RAB38: variants seen among roughly 807,000 people sequenced by gnomAD.
RAB38 encodes ras-related protein Rab-38.
A neutral mutation model predicts 18.4 loss-of-function variants in RAB38; 15 were observed. The observed-to-expected ratio is 0.82, with a 90% CI of 0.55 to 1.26. The LOEUF (loss-of-function observed/expected upper bound fraction) is 1.26, where lower values mean the gene tolerates loss of function less well. Ranked by LOEUF, RAB38 falls within the 50% of genes most tolerant of loss-of-function variation. The pLI is 0.00. For synonymous variants in RAB38, 101 were observed against 104.4 expected (o/e 0.97, Z 0.20); for missense variants, 294 against 267.4 (o/e 1.10, Z -0.69).
At chr11:88,027,613 C>G in the RAB38 span, among the ~76,000 whole-genome samples, 1 of 152,350 alleles carries the variant, frequency 6.6e-6, no homozygotes, top group South Asian at 2.1e-4. Context: ...TGGAGTCTCG[C>G]TGATTGCTAG....
chr11:88,034,328 T>A, the RAB38 span, among the ~76,000 whole-genome samples: 15 of 152,382 alleles, frequency 9.8e-5, no homozygotes, highest in Admixed American at 4.6e-4. Flanking sequence ...ATGTATTGGT[T>A]TTTGTGTGAG....
the RAB38 span, among the ~76,000 whole-genome samples, chr11:87,814,299 G>C: frequency 1.3e-5 from 2 of 152,094 alleles, no homozygotes; most frequent in Admixed American, 6.5e-5. Context: ...TGTAATACTA[G>C]GGATTTTTAG....
the RAB38 span, among the ~76,000 whole-genome samples, chr11:88,064,152 A>G: frequency 1.3e-5 from 2 of 152,204 alleles, no homozygotes; most frequent in Non-Finnish European, 2.9e-5. Context: ...ATGAGTCACT[A>G]TATGGGAGCT....
the RAB38 span, among the ~76,000 whole-genome samples, chr11:88,006,943 A>G: frequency 2.0e-5 from 3 of 151,644 alleles, no homozygotes; most frequent in Non-Finnish European, 4.4e-5. Context: ...TCTATTGCAT[A>G]GTCTGATGTA....
the RAB38 span, among the ~76,000 whole-genome samples, chr11:88,093,688 T>C: frequency 2.0e-5 from 3 of 152,008 alleles, no homozygotes; most frequent in East Asian, 5.9e-4. Flanking sequence ...TTCACTCTCC[T>C]GTTTAAAATC....
the RAB38 span, among the ~76,000 whole-genome samples, chr11:87,896,710 T>C: frequency 6.6e-6 from 1 of 151,628 alleles, no homozygotes; most frequent in East Asian, 2.0e-4. Flanking sequence ...AGGTCCCGAA[T>C]GTGCTTGTTG....
At chr11:88,089,953 G>A in the RAB38 span, among the ~76,000 whole-genome samples, 1 of 151,974 alleles carries the variant, frequency 6.6e-6, no homozygotes, top group Non-Finnish European at 1.5e-5. Flanking sequence ...TGATCTTGAG[G>A]TGGAATCCTT....
intron 2 of RAB38, among the ~76,000 whole-genome samples, chr11:88,126,706 A>T (rs554546176): frequency 7.3e-4 from 104 of 141,606 alleles, no homozygotes; most frequent in African/African-American, 2.4e-3. Flanking sequence ...ATAATAATAA[A>T]AAAAAAAAGA....
the RAB38 span, among the ~76,000 whole-genome samples, chr11:87,894,030 A>G: frequency 6.6e-6 from 1 of 151,716 alleles, no homozygotes; most frequent in Non-Finnish European, 1.5e-5. Flanking sequence ...AACAACATTG[A>G]GTCTTCCAAT....
intron 1 of RAB38, among the ~76,000 whole-genome samples, chr11:88,155,395 A>G (rs895598173): frequency 6.6e-6 from 1 of 152,246 alleles, no homozygotes; most frequent in Non-Finnish European, 1.5e-5. Context: ...CAAACTGCAC[A>G]GCCCAATAAA....
chr11:87,849,670 G>A, the RAB38 span, among the ~76,000 whole-genome samples: 1 of 152,056 alleles, frequency 6.6e-6, no homozygotes, highest in Non-Finnish European at 1.5e-5. Flanking sequence ...TGGACATAGT[G>A]TTTAATAACT....
At chr11:88,088,741 C>A in the RAB38 span, among the ~76,000 whole-genome samples, 1 of 151,566 alleles carries the variant, frequency 6.6e-6, no homozygotes, top group Non-Finnish European at 1.5e-5. Context: ...TGAAGGTGGG[C>A]AGGTATCATT....
chr11:87,856,013 T>A, the RAB38 span, among the ~76,000 whole-genome samples: 4 of 152,186 alleles, frequency 2.6e-5, no homozygotes, highest in East Asian at 5.8e-4. Context: ...TTCTTAAAAG[T>A]CACAATAATT....
intron 2 of RAB38, among the ~76,000 whole-genome samples, chr11:88,118,511 A>G (rs1300326055): frequency 1.3e-5 from 2 of 152,222 alleles, no homozygotes; most frequent in African/African-American, 2.4e-5. Context: ...TTTCTGGGTG[A>G]TTGTATAGAA....
chr11:88,163,059 G>C lies in RAB38; in HGVS notation c.202+12124C>G, dbSNP rs181688347. ...TATATTCCCACAGCACTGACTAACT[G>C]GATCATTCGCTCAACCATTTGATCA... On this transcript the variant is annotated intron_variant, in intron 1 of 2. Transcript: ENST00000243662. Among the ~76,000 whole-genome samples, 438 of 152,138 alleles carry C rather than the reference G, an allele frequency of 2.9e-3. 2 individuals carry two copies. The highest frequency in any genetic ancestry group is 9.5e-3 in the African/African-American group (396 of 41,522).
the RAB38 span, among the ~76,000 whole-genome samples, chr11:88,081,612 C>A: frequency 2.6e-5 from 4 of 151,918 alleles, no homozygotes; most frequent in Admixed American, 2.0e-4. Flanking sequence ...CTTTACATAG[C>A]CTTCTCCCCT....
intron 2 of RAB38, among the ~76,000 whole-genome samples, chr11:88,120,317 A>G (rs1942613230): frequency 6.6e-6 from 1 of 152,176 alleles, no homozygotes; most frequent in Non-Finnish European, 1.5e-5. Flanking sequence ...GCTTCTGCCT[A>G]TATTTTCTCT....
At chr11:87,897,083 G>T in the RAB38 span, among the ~76,000 whole-genome samples, 5 of 151,348 alleles carry the variant, frequency 3.3e-5, no homozygotes, top group East Asian at 9.8e-4. Context: ...TCATTAATTG[G>T]GAAGTTAGGT....
chr11:88,068,894 C>A, the RAB38 span, among the ~76,000 whole-genome samples: 1 of 152,254 alleles, frequency 6.6e-6, no homozygotes, highest in African/African-American at 2.4e-5. Context: ...TGACAACATG[C>A]TGGCGGCCCT....
Sources: allele counts gnomAD v4.1 joint callset (sites outside exome capture counted in the v4.1 genomes callset), GRCh38; gene constraint gnomAD v4.1.1; transcripts MANE v1.5; gene names NCBI Gene and HGNC (gene_info 2026-07-23, HGNC 2026-07-21).